The following HID1 variants were observed in gnomAD, a reference collection of about 807,000 sequenced individuals.
HID1 encodes protein HID1.
HID1 carries 42 observed loss-of-function variants against 89.7 expected under a neutral mutation model. That is an observed-to-expected ratio of 0.47 (90% CI 0.37 to 0.61). The LOEUF (loss-of-function observed/expected upper bound fraction) is 0.61, where lower values mean the gene tolerates loss of function less well. Among genes scored for constraint, HID1 ranks in the 20% least tolerant of loss-of-function variants. The pLI is 0.00. For synonymous variants in HID1, 442 were observed against 433.8 expected (o/e 1.02, Z -0.24); for missense variants, 854 against 1,039.3 (o/e 0.82, Z 2.45).
Position 74,962,385 on chromosome 17 carries a change from G to A in HID1, c.505-45C>T. On this transcript the variant is annotated intron_variant, in intron 4 of 18. Coordinates refer to ENST00000425042, the MANE Select transcript of HID1 (RefSeq NM_030630.3). This position sits in a 1 kb window ranked among gnomAD's most constrained non-coding sequence, Gnocchi z 4.3. ...AAGCCGGGTTAGGGGGTCGAGAGGT[G>A]AACAGCAGCCTGGGTCAGAACCTGG... 7.3e-7 allele frequency: 1 copy of A among 1,375,014 alleles called. No homozygotes were observed. Among genetic ancestry groups the A allele is most frequent in the Non-Finnish European group, 1.0e-6 (1 of 978,130 alleles). The allele number at this position is 1,375,014 out of a possible 1,614,324, so 85.2% of individuals were successfully genotyped here.
In HID1 at chr17:74,958,872, C is replaced by T; in HGVS notation, c.1149+39G>A. ...TGCCCCCGGGTTATTGGGGCAGCTG[C>T]TCTCCATCTCCCTGCAGGGCCCCTC... On this transcript the variant is annotated intron_variant, in intron 9 of 18. Coordinates refer to ENST00000425042, the MANE Select transcript of HID1 (RefSeq NM_030630.3). This position sits in a 1 kb window ranked among gnomAD's most constrained non-coding sequence, Gnocchi z 5.2. The T allele has an allele frequency of 6.3e-7, 1 of 1,582,398 alleles. No homozygotes were observed. Among genetic ancestry groups the T allele is most frequent in the Non-Finnish European group, 8.6e-7 (1 of 1,164,652 alleles).
Position 74,958,566 on chromosome 17 carries a change from G to A in HID1, c.1241-88C>T, listed in dbSNP as rs912101228. 2.5e-6 allele frequency: 4 copies of A among 1,584,738 alleles called. No individual in the cohort carries two copies. Among genetic ancestry groups the A allele is most frequent in the Non-Finnish European group, 3.4e-6 (4 of 1,160,608 alleles). On this transcript the variant is annotated intron_variant, in intron 10 of 18. Coordinates refer to ENST00000425042, the MANE Select transcript of HID1 (RefSeq NM_030630.3). The surrounding 1 kb of genome is among the most constrained non-coding windows in gnomAD (Gnocchi z 5.2). ...GACCATTTTGGAGGCCTCCCTCCTA[G>A]GAGGTCAGAGTGCCAGGCCTGAGCT...
In HID1 at chr17:74,959,508, A is replaced by G. The variant is rs756493825; in HGVS notation, c.1008+373T>C. Reference sequence around the variant, plus strand: ...CACTAGCTGGGGTGAGAAGGCAGCTAGGGTCCTGTGTTTTAGCTGCAGAAG... The same window carrying G: ...CACTAGCTGGGGTGAGAAGGCAGCTGGGGTCCTGTGTTTTAGCTGCAGAAG... On this transcript the variant is annotated intron_variant, in intron 8 of 18. Transcript: ENST00000425042. The surrounding 1 kb of genome is among the most constrained non-coding windows in gnomAD (Gnocchi z 4.6). Among the ~76,000 whole-genome samples, 9 of 152,038 alleles carry G rather than the reference A, an allele frequency of 5.9e-5. No individual in the cohort carries two copies. The highest frequency in any genetic ancestry group is 1.2e-4 in the Non-Finnish European group (8 of 67,996).
At position 74,960,111 on chromosome 17, in the gene HID1, A is replaced by G. The variant is rs1405019526; in HGVS notation, c.866T>C (p.Ile289Thr). The stretch of plus-strand genomic sequence containing the variant: ...GGCACTGTCGTGGTCCAAAGTGACA[A>G]TGAGCACCTGGGCAGCCTCCTCCAC... Reference protein sequence around the residue: ...PLVEEAAQVLIVTLDHDSASS... With the variant: ...PLVEEAAQVLTVTLDHDSASS... Residue 289 changes from isoleucine to threonine, a missense_variant, in exon 7 of 19, where the codon ATT (isoleucine) becomes ACT (threonine). Transcript: ENST00000425042. 1 of 1,613,994 alleles carries G rather than the reference A, an allele frequency of 6.2e-7. No individual in the cohort carries two copies. The highest frequency in any genetic ancestry group is 1.7e-5 in the Admixed American group (1 of 60,030).
At position 74,951,901 on chromosome 17, in the gene HID1, C is replaced by G. The variant is rs1392987836; in HGVS notation, c.2303+4G>C. The stretch of plus-strand genomic sequence containing the variant: ...TGGACACCACCCCACTCCCCGGGGC[C>G]CACCTCAGATAGATGACGCCCCACA... On this transcript the variant is annotated splice_donor_region_variant and intron_variant, in intron 18 of 18. Transcript: ENST00000425042. 6.6e-6 allele frequency: 10 copies of G among 1,514,068 alleles called. No individual in the cohort carries two copies. The highest frequency in any genetic ancestry group is 8.0e-6 in the Non-Finnish European group (9 of 1,128,512). The allele number at this position is 1,514,068 out of a possible 1,614,324, so 93.8% of individuals were successfully genotyped here.
chr17:74,957,635 C>T (rs932005428), intron 12 of HID1, among the ~76,000 whole-genome samples: 2 of 151,022 alleles, frequency 1.3e-5, no homozygotes, highest in African/African-American at 4.9e-5. Context: ...TGCAGTGGCT[C>T]ATGCCTGTAA....
At chr17:74,963,411 T>C in intron 3 of HID1, 2 of 481,516 alleles carry the variant, frequency 4.2e-6, no homozygotes, top group South Asian at 5.9e-5. Flanking sequence ...CCAGGGCAGG[T>C]GGTGTGGGGG....
In HID1 at chr17:74,972,468, T is replaced by A. The variant is rs558146913; in HGVS notation, c.66+123A>T. ...CGGGGTCCCGTTCCGGCGCTGGCCTTGGCGTTACGCTCGGGGCCCGCCCGT... is the reference window on the plus strand; with the variant it reads ...CGGGGTCCCGTTCCGGCGCTGGCCTAGGCGTTACGCTCGGGGCCCGCCCGT... On this transcript the variant is annotated intron_variant, in intron 1 of 18. Coordinates refer to ENST00000425042, the MANE Select transcript of HID1 (RefSeq NM_030630.3). The surrounding 1 kb of genome is among the most constrained non-coding windows in gnomAD (Gnocchi z 6.4). The A allele has an allele frequency of 9.4e-5, 88 of 935,698 alleles. No individual in the cohort carries two copies. The African/African-American group carries it at 1.3e-3, about 14-fold the overall frequency. 58.0% of individuals were successfully genotyped at this position (935,698 alleles called of 1,614,324 possible). A position where few individuals can be genotyped will look rare whatever the true frequency, so the allele number is the denominator to read the frequency against.
Position 74,953,056 on chromosome 17 carries a change from G to T in HID1, c.2002C>A (p.Arg668=). 6.2e-7 allele frequency: 1 copy of T among 1,608,234 alleles called. No individual in the cohort carries two copies. Among genetic ancestry groups the T allele is most frequent in the Middle Eastern group, 1.9e-4 (1 of 5,232 alleles). Residue 668 remains arginine (R), a synonymous_variant, in exon 16 of 19, where the codon CGA becomes AGA. Coordinates refer to ENST00000425042, the MANE Select transcript of HID1 (RefSeq NM_030630.3). ...CCACTGGCTGATGAGGTGGACGGTC[G>T]CCGCTGCTCCCTCCATGCCTGGCTG... ...EPSQAWREQR[R]PSTSSASGQW...
chr17:74,969,171 C>A (rs1043331688), intron 1 of HID1, among the ~76,000 whole-genome samples: 1 of 110,950 alleles, frequency 9.0e-6, no homozygotes, highest in Non-Finnish European at 2.0e-5. Flanking sequence ...ACCCAGCCCG[C>A]CCAAGGAAGC....
At chr17:74,971,486 G>T (rs2039646813) in intron 1 of HID1, among the ~76,000 whole-genome samples, 1 of 152,240 alleles carries the variant, frequency 6.6e-6, no homozygotes. Context: ...GGAAAGGGGT[G>T]AGGGAGCAAG....
chr17:74,957,622 A>G (rs2039410713), intron 12 of HID1, among the ~76,000 whole-genome samples: 1 of 151,582 alleles, frequency 6.6e-6, no homozygotes, highest in Non-Finnish European at 1.5e-5. Flanking sequence ...AAAAAAGGCC[A>G]GATGCAGTGG....
intron 6 of HID1, 88 bp from the exon 7 acceptor site, chr17:74,960,336 C>T (rs1357343332): frequency 2.6e-5 from 30 of 1,156,292 alleles, no homozygotes; most frequent in Non-Finnish European, 3.6e-5. Flanking sequence ...GAAGGTCAGC[C>T]TCATTCAACA....
Position 74,958,306 on chromosome 17 carries a change from C to A in HID1, c.1392+21G>T. ...ACACCACCCCTGCACCTCCTGGGCCCGGCCGCACGAGCCCCCTCACCACAA... is the reference window on the plus strand; with the variant it reads ...ACACCACCCCTGCACCTCCTGGGCCAGGCCGCACGAGCCCCCTCACCACAA... On this transcript the variant is annotated intron_variant, in intron 11 of 18. Transcript: ENST00000425042. This position sits in a 1 kb window ranked among gnomAD's most constrained non-coding sequence, Gnocchi z 5.2. The A allele has an allele frequency of 6.2e-7, 1 of 1,611,800 alleles. No individual in the cohort carries two copies. Among genetic ancestry groups the A allele is most frequent in the Non-Finnish European group, 8.5e-7 (1 of 1,179,136 alleles).
rs771673322 is a variant in HID1, at chr17:74,953,601, G to A, written c.1915C>T (p.Arg639Trp). The A allele has an allele frequency of 1.3e-5, 21 of 1,613,972 alleles. No homozygotes were observed. The East Asian group carries it at 1.8e-4, about 14-fold the overall frequency. The change falls in exon 15 of 19, where the codon CGG (arginine) becomes TGG (tryptophan). Residue 639 changes from arginine (R) to tryptophan (W), a missense_variant. Coordinates refer to ENST00000425042, the MANE Select transcript of HID1 (RefSeq NM_030630.3). ...TGCTGGGGCTCAGGTTCCAGGGACC[G>A]CAAGGTGCCATCCTCTGACACCTGG... Reference protein sequence around the residue: ...KSQVSEDGTLRSLEPEPQQSL... With the variant: ...KSQVSEDGTLWSLEPEPQQSL...
In HID1 at chr17:74,958,842, G is replaced by A; in HGVS notation, c.1149+69C>T. ...GCCCCACCCCCCTCAGTCTGACACT[G>A]TCCCTGCCCCCGGGTTATTGGGGCA... On this transcript the variant is annotated intron_variant, in intron 9 of 18. Coordinates refer to ENST00000425042, the MANE Select transcript of HID1 (RefSeq NM_030630.3). The surrounding 1 kb of genome is among the most constrained non-coding windows in gnomAD (Gnocchi z 5.2). 3 of 1,587,694 alleles carry A rather than the reference G, an allele frequency of 1.9e-6. No individual in the cohort carries two copies. Among genetic ancestry groups the A allele is most frequent in the South Asian group, 2.3e-5 (2 of 87,740 alleles).
chr17:74,960,572 G>A (rs1040253576), intron 6 of HID1, among the ~76,000 whole-genome samples: 4 of 152,238 alleles, frequency 2.6e-5, no homozygotes, highest in Non-Finnish European at 4.4e-5. Flanking sequence ...ACTCCACTCA[G>A]ACTCAAGAGA....
chr17:74,952,822 A>G (rs2039325319), intron 16 of HID1, among the ~76,000 whole-genome samples, 184 bp downstream of exon 16: 1 of 152,196 alleles, frequency 6.6e-6, no homozygotes, highest in Non-Finnish European at 1.5e-5. Context: ...GGCTGAACAC[A>G]TGGGATGTCA....
rs762250792 is a variant in HID1 at position 74,952,373 on chromosome 17, G to A, written c.2053-13C>T. 76 of 1,608,202 alleles carry A rather than the reference G, an allele frequency of 4.7e-5. No homozygotes were observed. Among genetic ancestry groups the A allele is most frequent in the Non-Finnish European group, 6.1e-5 (72 of 1,175,336 alleles). On this transcript the variant is annotated splice_polypyrimidine_tract_variant and intron_variant, in intron 16 of 18. Transcript: ENST00000425042. The stretch of plus-strand genomic sequence containing the variant: ...TCCAGGAGAGGACCTGGCGAGGGAC[G>A]GGGTTCCTGGGGCTGAGAAAGCAGC...
Sources: allele counts gnomAD v4.1 joint callset (sites outside exome capture counted in the v4.1 genomes callset), GRCh38; gene constraint gnomAD v4.1.1; non-coding constraint Gnocchi (gnomAD v3.1); transcripts MANE v1.5; gene names NCBI Gene and HGNC (gene_info 2026-07-23, HGNC 2026-07-21).